The following PELI3 variants were observed in gnomAD, a reference collection of about 807,000 sequenced individuals.
PELI3 encodes the protein pellino E3 ubiquitin protein ligase family member 3.
PELI3 carries 19 observed loss-of-function variants against 35.5 expected under a neutral mutation model. The ratio of observed to expected loss-of-function variants is 0.54; its 90% CI spans 0.37 to 0.79. The LOEUF is 0.79. PELI3 is among the 30% of genes least tolerant of loss of function. The probability of loss-of-function intolerance (pLI) is 0.00; values close to 1 mark genes in which losing one functional copy is unlikely to be tolerated. For missense variants in PELI3, 490 were observed against 661.2 expected, an observed-to-expected ratio of 0.74 and a Z score of 2.84; for synonymous variants, 262 against 279.2, an observed-to-expected ratio of 0.94 and a Z score of 0.62.
At chr11:66,470,167 C>T (rs1381038057) in intron 3 of PELI3, among the ~76,000 whole-genome samples, 2 of 152,136 alleles carry the variant, frequency 1.3e-5, no homozygotes, top group African/African-American at 4.8e-5. Context: ...TTTGGCAGCT[C>T]TTTGTCCTGT....
At chr11:66,474,969 G>C (rs1274984809) in intron 7 of PELI3, 1 of 152,346 alleles carries the variant, frequency 6.6e-6, no homozygotes, top group Non-Finnish European at 1.5e-5. Context: ...GACCTCAGGT[G>C]ATGCGCTCGT....
chr11:66,475,494 T>C (rs900229801), intron 7 of PELI3, 104 bp from the exon 8 acceptor site: 5 of 1,307,992 alleles, frequency 3.8e-6, no homozygotes, highest in Non-Finnish European at 5.4e-6. Flanking sequence ...CTGCCCTGCC[T>C]GCCCTGCCCG....
chr11:66,473,661 CG>C lies in PELI3; in HGVS notation c.652-71del, dbSNP rs1854799311. The stretch of plus-strand genomic sequence containing the variant: ...GGGCCGCCTCTGAACTTGAAGGTAG[CG>C]GGGGCAGTGCCTCTGGCACATGGCC... On this transcript the variant is annotated intron_variant, in intron 6 of 7. Transcript: ENST00000320740. This position sits in a 1 kb window ranked among gnomAD's most constrained non-coding sequence, Gnocchi z 5.8. The C allele has an allele frequency of 6.4e-7, 1 of 1,565,622 alleles. No individual in the cohort carries two copies.
In PELI3 at chr11:66,468,191, G is replaced by A. The variant is rs776475953; in HGVS notation, c.63G>A (p.Gly21=). 12 of 1,607,350 alleles carry A rather than the reference G, an allele frequency of 7.5e-6. No homozygotes were observed. The East Asian group carries it at 2.5e-4, about 34-fold the overall frequency. Residue 21 remains glycine (G), a synonymous_variant, in exon 2 of 8, where the codon GGG becomes GGA. Coordinates refer to ENST00000320740, the MANE Select transcript of PELI3 (RefSeq NM_145065.3). ...SPRTSDLQHR[G]NKGSCVLSSP... The stretch of plus-strand genomic sequence containing the variant: ...GAACCTCAGACCTCCAGCACCGGGG[G>A]AACAAGGGCTCTTGCGTTCTCTCCT...
Position 66,473,265 on chromosome 11 carries a change from A to G in PELI3, c.481A>G (p.Ile161Val). ...GATTGGCCGCTCCACAGAGAACATG[A>G]TTGACTTCGTGGTAACAGACACGTC... is the stretch of plus-strand genomic sequence containing the variant. ...FQIGRSTENM[I>V]DFVVTDTSPG... Residue 161 changes from isoleucine (I) to valine (V), a missense_variant, in exon 6 of 8, where the codon ATT (isoleucine) becomes GTT (valine). Physicochemically the swap from Ile to Val is conservative, Grantham distance 29. Coordinates refer to ENST00000320740, the MANE Select transcript of PELI3 (RefSeq NM_145065.3). This position sits in a 1 kb window ranked among gnomAD's most constrained non-coding sequence, Gnocchi z 5.8. 6.2e-7 allele frequency: 1 copy of G among 1,612,632 alleles called. No individual in the cohort carries two copies. Among genetic ancestry groups the G allele is most frequent in the Non-Finnish European group, 8.5e-7 (1 of 1,179,432 alleles).
rs1261493441 is a variant in PELI3 at position 66,476,814 on chromosome 11, T to C, written c.*647T>C. ...GTTCACAGTCTAGTGGAGGACAGAC[T>C]GTTAACAAATGGCAACACGGCTTCA... On this transcript the variant is annotated 3_prime_UTR_variant, in exon 8 of 8. Transcript: ENST00000320740. The C allele has an allele frequency of 1.3e-5, 2 of 152,338 alleles. No homozygotes were observed. The highest frequency in any genetic ancestry group is 2.4e-5 in the African/African-American group (1 of 41,436). 9.4% of individuals were successfully genotyped at this position (152,338 alleles called of 1,614,324 possible). A position where few individuals can be genotyped will look rare whatever the true frequency, so the allele number is the denominator to read the frequency against.
Position 66,473,171 on chromosome 11 carries a change from T to C in PELI3, c.457-70T>C. Reference sequence around the variant, plus strand: ...TTGCATACAGAGCAGCTGCTGGTACTCTGGGAGGGAAGGCCCATGAGAGTC... The same window carrying C: ...TTGCATACAGAGCAGCTGCTGGTACCCTGGGAGGGAAGGCCCATGAGAGTC... On this transcript the variant is annotated intron_variant, in intron 5 of 7. Coordinates refer to ENST00000320740, the MANE Select transcript of PELI3 (RefSeq NM_145065.3). This position sits in a 1 kb window ranked among gnomAD's most constrained non-coding sequence, Gnocchi z 5.8. 1 of 1,436,662 alleles carries C rather than the reference T, an allele frequency of 7.0e-7. No homozygotes were observed. Among genetic ancestry groups the C allele is most frequent in the South Asian group, 1.3e-5 (1 of 74,288 alleles). 89.0% of individuals were successfully genotyped at this position (1,436,662 alleles called of 1,614,324 possible). A position where few individuals can be genotyped will look rare whatever the true frequency, so the allele number is the denominator to read the frequency against.
chr11:66,474,067 C>T, intron 7 of PELI3, 142 bp downstream of exon 7: 1 of 1,115,818 alleles, frequency 9.0e-7, no homozygotes, highest in Middle Eastern at 1.9e-4. Context: ...AATCCCAGGC[C>T]CAGGGGGTTC....
rs779569441 is a variant in PELI3 at position 66,472,481 on chromosome 11, G to A, written c.456+11G>A. The A allele has an allele frequency of 6.2e-7, 1 of 1,608,538 alleles. No individual in the cohort carries two copies. Among genetic ancestry groups the A allele is most frequent in the Non-Finnish European group, 8.5e-7 (1 of 1,175,074 alleles). On this transcript the variant is annotated intron_variant, in intron 5 of 7. Coordinates refer to ENST00000320740, the MANE Select transcript of PELI3 (RefSeq NM_145065.3). ...ACAGACATGTTCCAGGTATGCTCAG[G>A]CCTCTCCACACACCTCCTGGCCACC...
intron 5 of PELI3, 94 bp downstream of exon 5, chr11:66,472,564 A>G: frequency 9.8e-7 from 1 of 1,022,356 alleles, no homozygotes; most frequent in Non-Finnish European, 1.5e-6. Context: ...GGCCATGGGA[A>G]AGCTGCTTCT....
Position 66,466,976 on chromosome 11 carries a change from A to C in PELI3, c.-53A>C, listed in dbSNP as rs1038969107. Reference sequence around the variant, plus strand: ...CCGCCGCAGCGGCCCGGGGCCGAGCAGGGGCTAGGCGGGGAGGGAGCGGCG... The same window carrying C: ...CCGCCGCAGCGGCCCGGGGCCGAGCCGGGGCTAGGCGGGGAGGGAGCGGCG... On this transcript the variant is annotated 5_prime_UTR_variant, in exon 1 of 8. Transcript: ENST00000320740. 6.7e-6 allele frequency: 1 copy of C among 149,652 alleles called. No homozygotes were observed. The highest frequency in any genetic ancestry group is 2.5e-5 in the African/African-American group (1 of 40,792). 9.3% of individuals were successfully genotyped at this position (149,652 alleles called of 1,614,324 possible).
chr11:66,468,068 G>A lies in PELI3; in HGVS notation c.-1-60G>A. The A allele has an allele frequency of 2.0e-6, 3 of 1,510,426 alleles. No individual in the cohort carries two copies. The East Asian group carries it at 7.7e-5, about 39-fold the overall frequency. The allele number at this position is 1,510,426 out of a possible 1,614,324, so 93.6% of individuals were successfully genotyped here. On this transcript the variant is annotated intron_variant, in intron 1 of 7. Coordinates refer to ENST00000320740, the MANE Select transcript of PELI3 (RefSeq NM_145065.3). ...GGCGGCCCTGCAGCAGGCTGCAGCT[G>A]GAATTGAGCCGGGCTGGGGTGGGAA...
chr11:66,468,576 A>G (rs1463958366), intron 2 of PELI3, among the ~76,000 whole-genome samples: 1 of 152,218 alleles, frequency 6.6e-6, no homozygotes, highest in Non-Finnish European at 1.5e-5. Context: ...TGTGGGGTGA[A>G]GAACTCTGGT....
Position 66,473,808 on chromosome 11 carries a change from G to A in PELI3, c.723G>A (p.Met241Ile). The change falls in exon 7 of 8, where the codon ATG (methionine) becomes ATA (isoleucine). Residue 241 changes from methionine (M) to isoleucine (I), a missense_variant. By Grantham distance (10) the Met-to-Ile change is conservative. Around this residue, in one of 3 missense-constraint regions of PELI3, gnomAD observed 349 missense variants for 484.8 expected, o/e 0.72. Transcript: ENST00000320740. The surrounding 1 kb of genome is among the most constrained non-coding windows in gnomAD (Gnocchi z 5.8). The stretch of plus-strand genomic sequence containing the variant: ...TGACCACCAATGGAGTCCTGGTGAT[G>A]CACCCGGCAGGCGGCTTCTCCGAGG... ...DGLTTNGVLV[M>I]HPAGGFSEDS... The A allele has an allele frequency of 3.1e-6, 5 of 1,613,924 alleles. No homozygotes were observed. The highest frequency in any genetic ancestry group is 4.2e-6 in the Non-Finnish European group (5 of 1,180,000).
Sources: allele counts gnomAD v4.1 joint callset (sites outside exome capture counted in the v4.1 genomes callset), GRCh38; gene constraint gnomAD v4.1.1; regional missense constraint gnomAD v4.1.1; non-coding constraint Gnocchi (gnomAD v3.1); transcripts MANE v1.5; gene names NCBI Gene and HGNC (gene_info 2026-07-23, HGNC 2026-07-21).